Variants in TMEM232 observed in about 807,000 individuals in gnomAD.
TMEM232 encodes transmembrane protein 232.
TMEM232 carries 80 observed loss-of-function variants against 78.8 expected under a neutral mutation model. That is an observed-to-expected ratio of 1.01 (90% confidence interval 0.85 to 1.22). TMEM232 has a LOEUF of 1.22. Among genes scored for constraint, TMEM232 ranks in the 50% most tolerant of loss-of-function variants. The probability of loss-of-function intolerance (pLI) is 0.00; values close to 1 mark genes in which losing one functional copy is unlikely to be tolerated. For missense variants in TMEM232, 881 were observed against 742.2 expected (o/e 1.19, Z -2.17); for synonymous variants, 297 against 254.3 (o/e 1.17, Z -1.60).
intron 1 of TMEM232, among the ~76,000 whole-genome samples, chr5:110,705,377 A>T (rs1795823478): frequency 6.6e-6 from 1 of 152,094 alleles, no homozygotes; most frequent in South Asian, 2.1e-4. Flanking sequence ...AATACTTACC[A>T]ATCTAAATAG....
At chr5:110,580,215 G>C (rs920137741) in intron 10 of TMEM232, among the ~76,000 whole-genome samples, 2 of 151,678 alleles carry the variant, frequency 1.3e-5, no homozygotes, top group African/African-American at 4.8e-5. Flanking sequence ...ATATATGACA[G>C]TTGTCCCATA....
chr5:110,567,473 T>C (rs2149680813), intron 11 of TMEM232, among the ~76,000 whole-genome samples: 1 of 151,992 alleles, frequency 6.6e-6, no homozygotes, highest in South Asian at 2.1e-4. Context: ...TGTGTGTTTT[T>C]CCTTTAATAT....
At chr5:110,722,817 G>C (rs888246350) in intron 1 of TMEM232, among the ~76,000 whole-genome samples, 1 of 152,174 alleles carries the variant, frequency 6.6e-6, no homozygotes, top group Non-Finnish European at 1.5e-5. Context: ...GCTTGTTTGT[G>C]TATCTGTCTG....
At chr5:110,499,459 G>A (rs1471097830) in intron 12 of TMEM232, among the ~76,000 whole-genome samples, 1 of 151,992 alleles carries the variant, frequency 6.6e-6, no homozygotes, top group Non-Finnish European at 1.5e-5. Context: ...TTCTTGCTAT[G>A]TTGCCAGGCT....
intron 12 of TMEM232, among the ~76,000 whole-genome samples, chr5:110,499,656 T>C (rs937077270): frequency 1.1e-4 from 16 of 145,308 alleles, no homozygotes; most frequent in Non-Finnish European, 2.2e-4. Flanking sequence ...CATATATATA[T>C]ATATAAAGAT....
chr5:110,590,433 T>G (rs1313270935), intron 10 of TMEM232, among the ~76,000 whole-genome samples: 1 of 152,168 alleles, frequency 6.6e-6, no homozygotes, highest in Non-Finnish European at 1.5e-5. Context: ...TGGTATTACA[T>G]TCTCATAGGA....
rs1323291945 is a variant in TMEM232, at chr5:110,707,182, A to G, written c.-13+19445T>C. ...GCACACAGAAAAGCACTATCACAAG[A>G]ACCAAAAATCAGATGAACAATTACA... On this transcript the variant is annotated intron_variant, in intron 1 of 13. Transcript: ENST00000455884. Among the ~76,000 whole-genome samples, 5 of 152,140 alleles carry G rather than the reference A, an allele frequency of 3.3e-5. No individual in the cohort carries two copies. The East Asian group carries it at 9.6e-4, about 29-fold the overall frequency.
At chr5:110,681,486 TA>T (rs1792741772) in intron 1 of TMEM232, among the ~76,000 whole-genome samples, 1 of 152,272 alleles carries the variant, frequency 6.6e-6, no homozygotes, top group African/African-American at 2.4e-5. Flanking sequence ...GCCTGAGGAT[TA>T]AGTAAGATAA....
chr5:110,736,061 T>A (rs970606917), intron 1 of TMEM232, among the ~76,000 whole-genome samples: 7 of 152,238 alleles, frequency 4.6e-5, no homozygotes, highest in Non-Finnish European at 8.8e-5. Context: ...TGGGGGTAAT[T>A]CATTGTGCCA....
intron 1 of TMEM232, among the ~76,000 whole-genome samples, chr5:110,736,454 C>A (rs987167716): frequency 3.7e-4 from 56 of 152,230 alleles, no homozygotes; most frequent in African/African-American, 1.2e-3. Context: ...ATAATACTAT[C>A]ATTTTAGCAC....
At chr5:110,479,832 A>T (rs151334871) in intron 12 of TMEM232, among the ~76,000 whole-genome samples, 1 of 151,852 alleles carries the variant, frequency 6.6e-6, no homozygotes, top group African/African-American at 2.4e-5. Flanking sequence ...GTATCCCCAA[A>T]TCCAGTACAT....
intron 8 of TMEM232, 120 bp downstream of exon 8, chr5:110,618,309 A>T (rs1261890081): frequency 2.4e-6 from 3 of 1,257,030 alleles, no homozygotes; most frequent in African/African-American, 3.1e-5. Flanking sequence ...TGGAACTGAG[A>T]TTATAAATTT....
chr5:110,630,158 A>T (rs535943061), intron 5 of TMEM232, among the ~76,000 whole-genome samples: 7 of 152,344 alleles, frequency 4.6e-5, no homozygotes, highest in Admixed American at 3.3e-4. Context: ...AAGTACTTAT[A>T]GAGCATGCTT....
At chr5:110,608,745 T>A (rs750775740) in intron 8 of TMEM232, among the ~76,000 whole-genome samples, 2 of 152,006 alleles carry the variant, frequency 1.3e-5, no homozygotes, top group Non-Finnish European at 2.9e-5. Context: ...ACTTATAAAC[T>A]GGAGTTTGTC....
intron 12 of TMEM232, among the ~76,000 whole-genome samples, chr5:110,427,842 TTTTG>T (rs1218874413): frequency 6.6e-6 from 1 of 151,908 alleles, no homozygotes; most frequent in Non-Finnish European, 1.5e-5. Context: ...ACATTTAATT[TTTTG>T]TTTTTTATTT....
intron 2 of TMEM232, among the ~76,000 whole-genome samples, chr5:110,657,801 A>C (rs887877372): frequency 6.6e-6 from 1 of 151,988 alleles, no homozygotes; most frequent in Admixed American, 6.6e-5. Flanking sequence ...GAGATCTTTA[A>C]AACAGCAGTT....
intron 2 of TMEM232, among the ~76,000 whole-genome samples, chr5:110,664,761 G>T (rs764534537): frequency 1.3e-5 from 2 of 152,162 alleles, no homozygotes; most frequent in Non-Finnish European, 2.9e-5. Context: ...GAGACTAAGT[G>T]CTGGTAGCTC....
chr5:110,504,711 G>T (rs193031528), intron 12 of TMEM232, among the ~76,000 whole-genome samples: 2 of 152,302 alleles, frequency 1.3e-5, no homozygotes, highest in Admixed American at 6.5e-5. Flanking sequence ...TCACAGAAGG[G>T]TTAGCCTTTT....
intron 10 of TMEM232, among the ~76,000 whole-genome samples, chr5:110,569,190 CAG>C (rs1454829470): frequency 6.6e-6 from 1 of 151,842 alleles, no homozygotes; most frequent in African/African-American, 2.4e-5. Flanking sequence ...GTAATGAAAA[CAG>C]AGATTTAAAA....
Sources: gnomAD v4.1 joint callset for allele counts (sites outside exome capture counted in the v4.1 genomes callset) on GRCh38, gnomAD v4.1.1 for gene constraint, MANE v1.5 for transcripts, NCBI Gene and HGNC (gene_info 2026-07-23, HGNC 2026-07-21) for gene names.